VAMP7: variants seen among roughly 807,000 people sequenced by gnomAD.
The protein encoded by VAMP7 is vesicle associated membrane protein 7.
A neutral mutation model predicts 29.6 loss-of-function variants in VAMP7; 14 were observed. The observed-to-expected ratio is 0.47, with a 90% confidence interval of 0.31 to 0.74. The LOEUF is 0.74. Ranked by LOEUF, VAMP7 falls within the 30% of genes least tolerant of loss-of-function variation. The pLI, the probability that VAMP7 is intolerant of heterozygous loss-of-function variation, is 0.05. For synonymous variants in VAMP7, 95 were observed against 88.1 expected (o/e 1.08, Z -0.44); for missense variants, 223 against 262.4 (o/e 0.85, Z 1.04).
intron 5 of VAMP7, among the ~76,000 whole-genome samples, chrX:155,913,401 C>CT (rs2066266231): frequency 6.6e-6 from 1 of 152,058 alleles, no homozygotes; most frequent in African/African-American, 2.4e-5. Flanking sequence ...TCAATTTTGG[C>CT]TTTTGTTGCC....
chrX:155,902,770 C>A (rs1220341226), intron 5 of VAMP7, among the ~76,000 whole-genome samples: 12 of 149,602 alleles, frequency 8.0e-5, no homozygotes, highest in Non-Finnish European at 1.8e-4. Flanking sequence ...ATTCGGTTTG[C>A]CAGTATTTTA....
intron 1 of VAMP7, among the ~76,000 whole-genome samples, chrX:155,888,820 G>A (rs2065895098): frequency 6.6e-6 from 1 of 152,120 alleles, no homozygotes; most frequent in African/African-American, 2.4e-5. Context: ...TTAAATTGCA[G>A]CTCCACACTT....
chrX:155,881,789 G>C (rs1370814917), intron 1 of VAMP7, among the ~76,000 whole-genome samples: 1 of 152,072 alleles, frequency 6.6e-6, no homozygotes, highest in African/African-American at 2.4e-5. Context: ...AACTCTCTAC[G>C]TCCTTGTTCG....
intron 6 of VAMP7, among the ~76,000 whole-genome samples, chrX:155,934,586 A>T (rs1231152276): frequency 1.3e-5 from 2 of 152,002 alleles, no homozygotes; most frequent in Middle Eastern, 3.2e-3. Flanking sequence ...TTTTGAGCCT[A>T]TGTGTGTCTC....
intron 5 of VAMP7, among the ~76,000 whole-genome samples, chrX:155,917,949 G>T (rs1304589479): frequency 6.6e-6 from 1 of 152,302 alleles, no homozygotes; most frequent in African/African-American, 2.4e-5. Flanking sequence ...GGAGATGGGA[G>T]TTTTATCTAT....
intron 4 of VAMP7, among the ~76,000 whole-genome samples, chrX:155,898,622 A>G (rs752154034): frequency 2.6e-5 from 4 of 152,174 alleles, no homozygotes; most frequent in African/African-American, 9.6e-5. Flanking sequence ...CCAAATTAAT[A>G]ATTTGAAACT....
intron 5 of VAMP7, among the ~76,000 whole-genome samples, chrX:155,915,004 G>A (rs758947310): frequency 1.2e-4 from 19 of 152,134 alleles, no homozygotes; most frequent in Admixed American, 5.2e-4. Context: ...GACCTTTTTT[G>A]TTTGGTAGGC....
intron 5 of VAMP7, among the ~76,000 whole-genome samples, chrX:155,917,514 A>G (rs1204792626): frequency 6.6e-6 from 1 of 151,850 alleles, no homozygotes; most frequent in African/African-American, 2.4e-5. Context: ...CTTTTTGTTG[A>G]TGTTGATGCT....
chrX:155,891,863 T>A (rs5983809), intron 2 of VAMP7, among the ~76,000 whole-genome samples: 92,560 of 151,954 alleles, frequency 0.61, 28,289 homozygotes, highest in East Asian at 0.68. Context: ...GGCCTAGAGG[T>A]TAGGGGTTAA....
chrX:155,887,552 T>C (rs1330032436), intron 1 of VAMP7, among the ~76,000 whole-genome samples: 1 of 152,016 alleles, frequency 6.6e-6, no homozygotes, highest in African/African-American at 2.4e-5. Flanking sequence ...TTCTGGAGTT[T>C]TAAGGGCAAA....
chrX:155,893,935 T>G (rs1474588000), intron 2 of VAMP7, among the ~76,000 whole-genome samples: 2 of 152,254 alleles, frequency 1.3e-5, no homozygotes, highest in African/African-American at 4.8e-5. Flanking sequence ...TATGGCAATG[T>G]GGAAGTCATT....
At chrX:155,914,875 A>G (rs989944507) in intron 5 of VAMP7, among the ~76,000 whole-genome samples, 1 of 152,178 alleles carries the variant, frequency 6.6e-6, no homozygotes, top group Non-Finnish European at 1.5e-5. Context: ...TGCTGGCCTC[A>G]TAAAATGAGT....
At chrX:155,895,099 A>G (rs2065970667) in intron 2 of VAMP7, among the ~76,000 whole-genome samples, 1 of 152,148 alleles carries the variant, frequency 6.6e-6, no homozygotes, top group South Asian at 2.1e-4. Flanking sequence ...CCTGTTTGCC[A>G]TGCTGCACTG....
intron 5 of VAMP7, among the ~76,000 whole-genome samples, chrX:155,904,423 A>AT (rs1305284130): frequency 6.6e-6 from 1 of 152,068 alleles, no homozygotes; most frequent in African/African-American, 2.4e-5. Context: ...ATTCCCTTTC[A>AT]TTTTTTTAAC....
rs2066508059 is a variant in VAMP7, at chrX:155,928,840, C to G, written c.501+8960C>G. On this transcript the variant is annotated intron_variant, in intron 6 of 7. Transcript: ENST00000286448. ...GTTGACCTGAGAGTGGTGGAGGAAT[C>G]TCCATTACAACCTGTTGAATCACAC... Among the ~76,000 whole-genome samples, 2 of 152,170 alleles carry G rather than the reference C, an allele frequency of 1.3e-5. 1 individual carries two copies. Among genetic ancestry groups the G allele is most frequent in the African/African-American group, 4.8e-5 (2 of 41,450 alleles).
chrX:155,925,801 G>A (rs1442295399), intron 6 of VAMP7, among the ~76,000 whole-genome samples: 1 of 152,126 alleles, frequency 6.6e-6, no homozygotes, highest in Non-Finnish European at 1.5e-5. Context: ...TAGAATGGGA[G>A]GCAGGTTGGC....
chrX:155,882,893 TC>T (rs1221481669), intron 1 of VAMP7, among the ~76,000 whole-genome samples: 1 of 152,156 alleles, frequency 6.6e-6, no homozygotes, highest in African/African-American at 2.4e-5. Context: ...GGAGAAATAA[TC>T]CTAACAGTAT....
At position 155,942,177 on chromosome X, in the gene VAMP7, A is replaced by G. The variant is rs1345641966; in HGVS notation, c.*226A>G. On this transcript the variant is annotated 3_prime_UTR_variant, in exon 8 of 8. Coordinates refer to ENST00000286448, the MANE Select transcript of VAMP7 (RefSeq NM_005638.6). ...ACCATTCATTGCAGCAGTAGCCTTAAAAAGGCTTTTGTTTATTTCTTTGGT... is the reference window on the plus strand; with the variant it reads ...ACCATTCATTGCAGCAGTAGCCTTAGAAAGGCTTTTGTTTATTTCTTTGGT... 5 of 1,538,520 alleles carry G rather than the reference A, an allele frequency of 3.2e-6. No individual in the cohort carries two copies. The highest frequency in any genetic ancestry group is 4.4e-6 in the Non-Finnish European group (5 of 1,140,808).
At chrX:155,896,061 TGGTGCCAAAAA>T (rs2065983462) in intron 3 of VAMP7, among the ~76,000 whole-genome samples, 1 of 152,200 alleles carries the variant, frequency 6.6e-6, no homozygotes, top group African/African-American at 2.4e-5. Flanking sequence ...AACCGGTCCC[TGGTGCCAAAAA>T]GGTTGGGGAC....
Sources: gnomAD v4.1 joint callset for allele counts (sites outside exome capture counted in the v4.1 genomes callset) on GRCh38, gnomAD v4.1.1 for gene constraint, MANE v1.5 for transcripts, NCBI Gene and HGNC (gene_info 2026-07-23, HGNC 2026-07-21) for gene names.